The following CORO2B variants were observed in gnomAD, a reference collection of about 807,000 sequenced individuals.
CORO2B encodes the protein coronin 2B.
In CORO2B, 26 loss-of-function variants were observed where a neutral mutation model predicts 58.8. That is an observed-to-expected ratio of 0.44 (90% CI 0.32 to 0.61). The LOEUF (loss-of-function observed/expected upper bound fraction) is 0.61, where lower values mean the gene tolerates loss of function less well. Among genes scored for constraint, CORO2B ranks in the 20% least tolerant of loss-of-function variants. CORO2B has a pLI of 0.04. For missense variants in CORO2B, 460 were observed against 645.1 expected (o/e 0.71, Z 3.11); for synonymous variants, 242 against 253.8 (o/e 0.95, Z 0.44).
intron 2 of CORO2B, among the ~76,000 whole-genome samples, chr15:68,672,748 G>A (rs533506385): frequency 2.2e-4 from 34 of 152,290 alleles, no homozygotes; most frequent in Non-Finnish European, 3.7e-4. Context: ...GGTGGAGAGG[G>A]AGGAGATACA....
At chr15:68,531,457 G>A in the CORO2B span, among the ~76,000 whole-genome samples, 28 of 151,120 alleles carry the variant, frequency 1.9e-4, no homozygotes, top group African/African-American at 6.6e-4. Context: ...AGATCATGCC[G>A]CTGCACTCCA....
intron 3 of CORO2B, among the ~76,000 whole-genome samples, chr15:68,696,108 G>A (rs1299088678): frequency 6.6e-6 from 1 of 151,856 alleles, no homozygotes; most frequent in Non-Finnish European, 1.5e-5. Flanking sequence ...AAACTAGGTG[G>A]GTGTGGTGGT....
the CORO2B span, among the ~76,000 whole-genome samples, chr15:68,554,729 C>T: frequency 6.6e-6 from 1 of 152,218 alleles, no homozygotes; most frequent in South Asian, 2.1e-4. Context: ...AACTGAGTCT[C>T]AGAGCGGCTA....
In CORO2B at chr15:68,582,121, C is replaced by G. The variant is rs558049173; in HGVS notation, c.15+2844C>G. On this transcript the variant is annotated intron_variant, in intron 1 of 11. Coordinates refer to ENST00000261861, the MANE Select transcript of CORO2B (RefSeq NM_006091.5). Reference sequence around the variant, plus strand: ...CTCTCTTTCATACATCCCCTTGCCCCCTTAACCATGAGGCACAGCTGCTAA... The same window carrying G: ...CTCTCTTTCATACATCCCCTTGCCCGCTTAACCATGAGGCACAGCTGCTAA... 1.2e-4 allele frequency among the ~76,000 whole-genome samples: 18 copies of G among 152,300 alleles called. No homozygotes were observed. In the South Asian group the frequency reaches 3.7e-3, roughly 32 times the overall value.
intron 11 of CORO2B, 79 bp downstream of exon 11, chr15:68,719,631 T>C (rs1893115930): frequency 1.4e-6 from 2 of 1,473,332 alleles, no homozygotes; most frequent in East Asian, 4.6e-5. Flanking sequence ...TTCAGGCCTT[T>C]AAGCCAGTTC....
intron 1 of CORO2B, among the ~76,000 whole-genome samples, chr15:68,583,425 C>G (rs1899477752): frequency 6.6e-6 from 1 of 152,206 alleles, no homozygotes; most frequent in Admixed American, 6.5e-5. Flanking sequence ...GGTCAGTGCT[C>G]TTTCCACCCG....
intron 1 of CORO2B, among the ~76,000 whole-genome samples, chr15:68,609,107 G>A (rs1900189245): frequency 6.6e-6 from 1 of 152,206 alleles, no homozygotes; most frequent in Non-Finnish European, 1.5e-5. Flanking sequence ...GAAGGAAGGA[G>A]CAGCATTGGA....
chr15:68,561,348 C>G, the CORO2B span, among the ~76,000 whole-genome samples: 1 of 152,276 alleles, frequency 6.6e-6, no homozygotes, highest in East Asian at 1.9e-4. Context: ...GCAGCTCACT[C>G]TCCCCGGTCC....
chr15:68,518,549 C>T, the CORO2B span, among the ~76,000 whole-genome samples: 1 of 152,114 alleles, frequency 6.6e-6, no homozygotes, highest in South Asian at 2.1e-4. Flanking sequence ...TGGCTCTTTT[C>T]CCCCTTGCTC....
At chr15:68,719,609 T>C (rs1400623741) in intron 11 of CORO2B, 57 bp downstream of exon 11, 1 of 1,550,080 alleles carries the variant, frequency 6.5e-7, no homozygotes, top group Non-Finnish European at 8.7e-7. Flanking sequence ...CCTTTACATT[T>C]CAATTATGGG....
the CORO2B span, among the ~76,000 whole-genome samples, chr15:68,547,918 C>T: frequency 6.6e-6 from 1 of 152,096 alleles, no homozygotes; most frequent in Non-Finnish European, 1.5e-5. Context: ...CGCCTGTAGC[C>T]CTAGCACTTT....
At chr15:68,708,470 C>T (rs1393100813) in intron 3 of CORO2B, among the ~76,000 whole-genome samples, 1 of 149,844 alleles carries the variant, frequency 6.7e-6, no homozygotes, top group Non-Finnish European at 1.5e-5. Context: ...ACACCATTCT[C>T]CTGCCTCAGC....
intron 2 of CORO2B, among the ~76,000 whole-genome samples, chr15:68,648,168 A>T (rs1243952305): frequency 4.0e-5 from 6 of 150,962 alleles, no homozygotes; most frequent in Non-Finnish European, 8.8e-5. Flanking sequence ...CCCCGCCTCT[A>T]CTAAAAATAC....
intron 1 of CORO2B, among the ~76,000 whole-genome samples, chr15:68,585,329 G>T (rs1392286571): frequency 1.3e-5 from 2 of 152,130 alleles, no homozygotes; most frequent in Non-Finnish European, 2.9e-5. Context: ...TTTTCAATCC[G>T]ATCACATAAT....
intron 1 of CORO2B, among the ~76,000 whole-genome samples, chr15:68,588,407 CT>C (rs1899620509): frequency 1.3e-5 from 2 of 152,182 alleles, no homozygotes; most frequent in African/African-American, 4.8e-5. Context: ...AATAATCTGG[CT>C]ATAAAAATGT....
In CORO2B at chr15:68,663,484, G is replaced by T. The variant is rs142929144; in HGVS notation, c.216+18124G>T. ...CCAGGAAACACACACACATACACGC[G>T]CACACACACGCAGAAGAATTTCCTC... On this transcript the variant is annotated intron_variant, in intron 2 of 11. Transcript: ENST00000261861. Among the ~76,000 whole-genome samples, 117 of 152,148 alleles carry T rather than the reference G, an allele frequency of 7.7e-4. 1 individual carries two copies. The highest frequency in any genetic ancestry group is 2.5e-3 in the African/African-American group (104 of 41,506).
At chr15:68,625,404 A>G (rs970094053) in intron 1 of CORO2B, among the ~76,000 whole-genome samples, 1 of 151,798 alleles carries the variant, frequency 6.6e-6, no homozygotes, top group African/African-American at 2.4e-5. Flanking sequence ...GATACAGAAC[A>G]TCTCCACTGC....
rs976683819 is a variant in CORO2B at position 68,726,039 on chromosome 15, C to G, written c.*65C>G. 34 of 1,593,156 alleles carry G rather than the reference C, an allele frequency of 2.1e-5. No individual in the cohort carries two copies. The highest frequency in any genetic ancestry group is 2.0e-4 in the South Asian group (18 of 89,754). ...GTTTCTACTCATCCCTTAACTTCTC[C>G]CTTACCAGTGACCCCAGAGACAGAG... On this transcript the variant is annotated 3_prime_UTR_variant, in exon 12 of 12. Coordinates refer to ENST00000261861, the MANE Select transcript of CORO2B (RefSeq NM_006091.5).
At chr15:68,684,843 C>T (rs979428450) in intron 2 of CORO2B, among the ~76,000 whole-genome samples, 8 of 152,184 alleles carry the variant, frequency 5.3e-5, no homozygotes, top group Admixed American at 6.5e-5. Flanking sequence ...ACAGGGAGCC[C>T]GATCTCTGCC....
Sources: allele counts gnomAD v4.1 joint callset (sites outside exome capture counted in the v4.1 genomes callset), GRCh38; gene constraint gnomAD v4.1.1; transcripts MANE v1.5; gene names NCBI Gene and HGNC (gene_info 2026-07-23, HGNC 2026-07-21).